The following SLIT3 variants were observed in gnomAD, a reference collection of about 807,000 sequenced individuals.
SLIT3 encodes the protein slit homolog 3 protein.
Under a neutral mutation model 184.0 loss-of-function variants are expected in SLIT3, and 68 were observed. The observed-to-expected ratio is 0.37, with a 90% CI of 0.30 to 0.45. The LOEUF is 0.45. Among genes scored for constraint, SLIT3 ranks in the 20% least tolerant of loss-of-function variants. The pLI is 1.00. For missense variants in SLIT3, 1,707 were observed against 2,026.0 expected (o/e 0.84, Z 3.02); for synonymous variants, 831 against 828.6 (o/e 1.00, Z -0.05).
Position 169,300,326 on chromosome 5 carries a change from CCT to C in SLIT3, c.197+185_197+186del, listed in dbSNP as rs1405094842. ...TTGCCCATCGCTGGGGGTTTCGAGA[CCT>C]CTCTTTCCAGATCTGACCAAGCCTA... On this transcript the variant is annotated intron_variant, in intron 1 of 35. Coordinates refer to ENST00000519560, the MANE Select transcript of SLIT3 (RefSeq NM_003062.4). The surrounding 1 kb of genome is among the most constrained non-coding windows in gnomAD (Gnocchi z 4.1). 1.3e-5 allele frequency among the ~76,000 whole-genome samples: 2 copies of C among 152,320 alleles called. No individual in the cohort carries two copies. The highest frequency in any genetic ancestry group is 2.9e-5 in the Non-Finnish European group (2 of 68,028).
intron 28 of SLIT3, among the ~76,000 whole-genome samples, chr5:168,693,785 G>A (rs1761976955): frequency 6.6e-6 from 1 of 152,062 alleles, no homozygotes; most frequent in Non-Finnish European, 1.5e-5. Context: ...GCTATGGTGG[G>A]GAGAGGCTGA....
At chr5:168,878,581 G>A (rs1759827779) in intron 5 of SLIT3, among the ~76,000 whole-genome samples, 1 of 152,206 alleles carries the variant, frequency 6.6e-6, no homozygotes, top group African/African-American at 2.4e-5. Context: ...TCCAAAAGAT[G>A]GTTGGGTGTG....
At chr5:169,229,284 T>C (rs1581079966) in intron 3 of SLIT3, among the ~76,000 whole-genome samples, 1 of 152,332 alleles carries the variant, frequency 6.6e-6, no homozygotes, top group Admixed American at 6.5e-5. Flanking sequence ...TCTAGTTTTT[T>C]TGATCTTCAA....
chr5:168,991,943 CT>C (rs1380977742), intron 4 of SLIT3, among the ~76,000 whole-genome samples: 1 of 152,236 alleles, frequency 6.6e-6, no homozygotes, highest in African/African-American at 2.4e-5. Flanking sequence ...GAGAGGCCCC[CT>C]GACTGGCAGG....
At chr5:168,897,673 C>CACACAT (rs959598895) in intron 4 of SLIT3, among the ~76,000 whole-genome samples, 2 of 123,266 alleles carry the variant, frequency 1.6e-5, no homozygotes, top group Admixed American at 1.7e-4. Flanking sequence ...CACACACACA[C>CACACAT]ACACAAAGGG....
intron 28 of SLIT3, among the ~76,000 whole-genome samples, chr5:168,694,469 G>A (rs1761994404): frequency 6.6e-6 from 1 of 152,154 alleles, no homozygotes; most frequent in Non-Finnish European, 1.5e-5. Flanking sequence ...TATACAGTAG[G>A]TGCACAGTAA....
intron 4 of SLIT3, among the ~76,000 whole-genome samples, chr5:169,136,500 G>A (rs992674116): frequency 2.0e-5 from 3 of 152,126 alleles, no homozygotes; most frequent in Non-Finnish European, 1.5e-5. Flanking sequence ...GACTGTGAAC[G>A]GTCCCTTGAC....
intron 4 of SLIT3, among the ~76,000 whole-genome samples, chr5:168,951,230 A>C (rs1762642716): frequency 6.6e-6 from 1 of 152,214 alleles, no homozygotes; most frequent in Admixed American, 6.5e-5. Context: ...AACACGAAAC[A>C]AAACAAAACC....
intron 4 of SLIT3, among the ~76,000 whole-genome samples, chr5:168,907,497 C>T (rs1182474839): frequency 6.6e-6 from 1 of 152,150 alleles, no homozygotes; most frequent in Non-Finnish European, 1.5e-5. Context: ...ATGTTAAGTG[C>T]CATCAGTCGT....
chr5:169,039,377 C>T (rs923335195), intron 4 of SLIT3, among the ~76,000 whole-genome samples: 9 of 146,708 alleles, frequency 6.1e-5, no homozygotes, highest in African/African-American at 1.3e-4. Flanking sequence ...AGTGCAGTGG[C>T]GCCATCTCAG....
At chr5:168,669,114 G>C (rs1413718486) in intron 35 of SLIT3, among the ~76,000 whole-genome samples, 1 of 152,202 alleles carries the variant, frequency 6.6e-6, no homozygotes, top group Non-Finnish European at 1.5e-5. Flanking sequence ...TAGCCTCCAA[G>C]ATTGCCCCCA....
rs577299427 is a variant in SLIT3 at position 169,281,487 on chromosome 5, C to T, written c.197+19026G>A. Among the ~76,000 whole-genome samples, 91 of 152,270 alleles carry T rather than the reference C, an allele frequency of 6.0e-4. 1 individual carries two copies. The highest frequency in any genetic ancestry group is 2.1e-3 in the African/African-American group (86 of 41,568). ...AAGAATCTGTCTCAACTCGACCCAG[C>T]TTTGCTCATTGATCTCATCTGTCCA... On this transcript the variant is annotated intron_variant, in intron 1 of 35. Transcript: ENST00000519560.
intron 4 of SLIT3, among the ~76,000 whole-genome samples, chr5:169,130,646 A>T (rs1761261248): frequency 6.6e-6 from 1 of 152,204 alleles, no homozygotes; most frequent in Non-Finnish European, 1.5e-5. Flanking sequence ...TTGTTACATG[A>T]GCAAATATAT....
intron 4 of SLIT3, among the ~76,000 whole-genome samples, chr5:168,957,237 A>T (rs1227718003): frequency 1.3e-5 from 2 of 151,446 alleles, no homozygotes; most frequent in Non-Finnish European, 2.9e-5. Context: ...CTCAAAAAAA[A>T]AAAAAAAAAT....
At chr5:169,126,869 C>A (rs1452678852) in intron 4 of SLIT3, among the ~76,000 whole-genome samples, 1 of 149,880 alleles carries the variant, frequency 6.7e-6, no homozygotes, top group Non-Finnish European at 1.5e-5. Context: ...TTTTTCTCTC[C>A]CACTTAACCA....
intron 4 of SLIT3, among the ~76,000 whole-genome samples, chr5:168,949,284 G>C (rs1319852709): frequency 6.6e-6 from 1 of 152,154 alleles, no homozygotes; most frequent in Non-Finnish European, 1.5e-5. Flanking sequence ...TGCAGTCATG[G>C]GGACCGTTCA....
At chr5:169,092,974 C>T (rs1361156319) in intron 4 of SLIT3, among the ~76,000 whole-genome samples, 2 of 152,188 alleles carry the variant, frequency 1.3e-5, no homozygotes, top group Non-Finnish European at 2.9e-5. Context: ...GTGCAGAGAG[C>T]TTGCTGTGTT....
intron 4 of SLIT3, among the ~76,000 whole-genome samples, chr5:169,152,166 G>C (rs2113371394): frequency 6.6e-6 from 1 of 152,278 alleles, no homozygotes; most frequent in East Asian, 1.9e-4. Context: ...TTGAAGTCAG[G>C]GGGCCTTGGC....
chr5:168,937,311 G>T (rs1017898108), intron 4 of SLIT3, among the ~76,000 whole-genome samples: 5 of 152,156 alleles, frequency 3.3e-5, no homozygotes, highest in African/African-American at 1.2e-4. Context: ...CCATTAAAGT[G>T]TTGTGAGCAG....
Sources: gnomAD v4.1 joint callset for allele counts (sites outside exome capture counted in the v4.1 genomes callset) on GRCh38, gnomAD v4.1.1 for gene constraint, Gnocchi (gnomAD v3.1) non-coding constraint, MANE v1.5 for transcripts, NCBI Gene and HGNC (gene_info 2026-07-23, HGNC 2026-07-21) for gene names.